ATP11C: variants seen among roughly 807,000 people sequenced by gnomAD.
ATP11C encodes ATPase phospholipid transporting 11C (ATP11C blood group).
ATP11C carries 36 observed loss-of-function variants against 97.4 expected under a neutral mutation model. The observed-to-expected ratio is 0.37, with a 90% CI of 0.28 to 0.49. ATP11C has a LOEUF of 0.49. ATP11C is among the 20% of genes least tolerant of loss of function. ATP11C has a pLI of 0.98. For missense variants in ATP11C, 730 were observed against 824.6 expected (o/e 0.89, Z 1.40); for synonymous variants, 275 against 290.9 (o/e 0.95, Z 0.56).
chrX:139,836,235 G>A (rs923025320), intron 1 of ATP11C, among the ~76,000 whole-genome samples: 2 of 110,444 alleles, frequency 1.8e-5, no homozygotes, highest in Non-Finnish European at 3.8e-5. Flanking sequence ...GCAGGTTTGG[G>A]CCGGGCACGG....
Position 139,901,465 on chromosome X carries a change from G to A in ATP11C, c.27+30551C>T, listed in dbSNP as rs2084898498. Among the ~76,000 whole-genome samples the A allele has an allele frequency of 2.7e-5, 3 of 111,673 alleles. No homozygotes were observed. In the South Asian group the frequency reaches 1.1e-3, roughly 43 times the overall value. ...AACTGTTCTGTTTCTCAGCAAAAGA[G>A]ACAGAGATTGCTGATGGCTGCGGGG... is the stretch of plus-strand genomic sequence containing the variant. On this transcript the variant is annotated intron_variant, in intron 1 of 29. Transcript: ENST00000682941.
At chrX:139,846,503 TTGC>T (rs1211076895) in intron 1 of ATP11C, among the ~76,000 whole-genome samples, 2 of 112,032 alleles carry the variant, frequency 1.8e-5, no homozygotes, top group African/African-American at 3.2e-5. Flanking sequence ...TACTTTACTT[TTGC>T]TGCTATTTTT....
intron 2 of ATP11C, 25 bp downstream of exon 2, chrX:139,826,679 C>T: frequency 1.7e-6 from 2 of 1,168,881 alleles, no homozygotes; most frequent in Non-Finnish European, 2.3e-6. Flanking sequence ...ATATGAACAT[C>T]TATTGAGTTA....
chrX:139,800,033 G>C, intron 8 of ATP11C, 27 bp downstream of exon 8: 1 of 1,061,917 alleles, frequency 9.4e-7, no homozygotes, highest in Non-Finnish European at 1.3e-6. Flanking sequence ...CCAACCAAAG[G>C]ACAAATTAAA....
intron 5 of ATP11C, among the ~76,000 whole-genome samples, chrX:139,810,333 T>TA (rs1036051803): frequency 9.0e-6 from 1 of 111,368 alleles, no homozygotes; most frequent in Non-Finnish European, 1.9e-5. Flanking sequence ...CGCATGCCTG[T>TA]AATCCCAGCT....
At chrX:139,758,251 A>G (rs1275440330) in intron 22 of ATP11C, among the ~76,000 whole-genome samples, 2 of 112,452 alleles carry the variant, frequency 1.8e-5, no homozygotes, top group Non-Finnish European at 3.8e-5. Context: ...TAATGCCAAT[A>G]AATAGTTGGG....
intron 24 of ATP11C, among the ~76,000 whole-genome samples, chrX:139,747,597 GT>G (rs2081718573): frequency 8.9e-6 from 1 of 111,800 alleles, no homozygotes; most frequent in African/African-American, 3.3e-5. Context: ...AGAAAAACTA[GT>G]TTATTTCTTA....
At chrX:139,800,758 T>C (rs2082910128) in intron 7 of ATP11C, among the ~76,000 whole-genome samples, 1 of 112,146 alleles carries the variant, frequency 8.9e-6, no homozygotes, top group South Asian at 3.7e-4. Context: ...AGGTGTATGG[T>C]AACCTGTATT....
intron 29 of ATP11C, among the ~76,000 whole-genome samples, chrX:139,730,252 A>G (rs2081314747): frequency 9.0e-6 from 1 of 111,704 alleles, no homozygotes; most frequent in Admixed American, 9.6e-5. Context: ...TATCCAGCCC[A>G]GTCCCCCAAA....
intron 15 of ATP11C, among the ~76,000 whole-genome samples, chrX:139,786,692 G>T (rs1041641349): frequency 1.2e-4 from 14 of 112,581 alleles, no homozygotes; most frequent in African/African-American, 4.2e-4. Flanking sequence ...TGTGGCAAAA[G>T]AGGAAATGTG....
chrX:139,803,322 A>T (rs2082964652), intron 6 of ATP11C, among the ~76,000 whole-genome samples: 1 of 112,075 alleles, frequency 8.9e-6, no homozygotes, highest in Non-Finnish European at 1.9e-5. Context: ...TGCTTTTGAA[A>T]TACAGAATTA....
rs754325052 is a variant in ATP11C at position 139,788,196 on chromosome X, T to C, written c.1516A>G (p.Lys506Glu). Reference sequence around the variant, plus strand: ...GTATAAGAAAGTATACTTTACCTTTTAGCTCCTTTCACCAAAGCTATTTCA... The same window carrying C: ...GTATAAGAAAGTATACTTTACCTTTCAGCTCCTTTCACCAAAGCTATTTCA... ...PDEIALVKGA[K>E]RYGFTFLGNR... The change falls in exon 14 of 30, where the codon AAA becomes GAA. Residue 506 changes from lysine to glutamate, a missense_variant. Transcript: ENST00000682941. 8.1e-5 allele frequency: 97 copies of C among 1,200,208 alleles called. No homozygotes were observed. The South Asian group carries it at 1.6e-3, about 20-fold the overall frequency.
Position 139,816,915 on chromosome X carries a change from AC to A in ATP11C, c.265del (p.Val89LeufsTer11). Reference sequence around the variant, plus strand: ...AAAGAAAAGTGGAAGTCCACTGGTAACTGGGCTAGTTGGTGTGTCTACTGTG... The same window carrying A: ...AAAGAAAAGTGGAAGTCCACTGGTAATGGGCTAGTTGGTGTGTCTACTGTG... The part of the protein sequence containing the change: ...QVTVDTPTSP[V>X]TSGLPLFFVI... On this transcript the variant is annotated frameshift_variant, in exon 4 of 30. Coordinates refer to ENST00000682941, the MANE Select transcript of ATP11C (RefSeq NM_001353812.2). LOFTEE classifies it high-confidence loss of function. 8.3e-7 allele frequency: 1 copy of A among 1,200,398 alleles called. No individual in the cohort carries two copies. The highest frequency in any genetic ancestry group is 1.1e-6 in the Non-Finnish European group (1 of 887,611).
chrX:139,817,338 T>C (rs900026096), intron 3 of ATP11C, among the ~76,000 whole-genome samples: 4 of 112,127 alleles, frequency 3.6e-5, no homozygotes, highest in African/African-American at 1.3e-4. Context: ...AAAACAAGTG[T>C]GTAGATGCTG....
At chrX:139,824,992 C>G (rs1171683968) in intron 2 of ATP11C, among the ~76,000 whole-genome samples, 1 of 111,707 alleles carries the variant, frequency 9.0e-6, no homozygotes, top group African/African-American at 3.3e-5. Flanking sequence ...AAGAAAAAGT[C>G]AAATTATGAA....
intron 18 of ATP11C, among the ~76,000 whole-genome samples, chrX:139,778,358 A>G (rs750793850): frequency 2.7e-5 from 3 of 112,159 alleles, no homozygotes; most frequent in Non-Finnish European, 5.6e-5. Context: ...CTATAAAAGC[A>G]TATGTTAGTA....
chrX:139,748,355 T>G (rs980830406), intron 24 of ATP11C, among the ~76,000 whole-genome samples: 2 of 110,516 alleles, frequency 1.8e-5, no homozygotes, highest in African/African-American at 6.6e-5. Context: ...GAGCTCTTGG[T>G]GGGACGGAAT....
chrX:139,729,042 G>A (rs1230837134), intron 29 of ATP11C, 80 bp from the exon 30 acceptor site: 3 of 794,470 alleles, frequency 3.8e-6, no homozygotes, highest in Non-Finnish European at 5.5e-6. Context: ...TCAGAAATAA[G>A]TAGTAAATTT....
intron 18 of ATP11C, among the ~76,000 whole-genome samples, chrX:139,778,409 C>T (rs970525627): frequency 2.7e-5 from 3 of 111,743 alleles, no homozygotes; most frequent in African/African-American, 9.8e-5. Context: ...ATACTTGAGA[C>T]TACCAAAACA....
Sources: gnomAD v4.1 joint callset for allele counts (sites outside exome capture counted in the v4.1 genomes callset) on GRCh38, gnomAD v4.1.1 for gene constraint, MANE v1.5 for transcripts, NCBI Gene and HGNC (gene_info 2026-07-23, HGNC 2026-07-21) for gene names.